C4BPB: variants seen among roughly 807,000 people sequenced by gnomAD.
C4BPB encodes the protein complement component 4 binding protein beta, also known as C4b-binding protein beta chain.
In C4BPB, 19 loss-of-function variants were observed where a neutral mutation model predicts 26.6. The observed-to-expected ratio is 0.71, with a 90% CI of 0.50 to 1.05. C4BPB has a LOEUF of 1.05. Ranked by LOEUF, C4BPB falls within the 50% of genes least tolerant of loss-of-function variation. C4BPB has a pLI of 0.00. For synonymous variants in C4BPB, 118 were observed against 103.5 expected (o/e 1.14, Z -0.85); for missense variants, 282 against 302.9 (o/e 0.93, Z 0.51).
intron 3 of C4BPB, among the ~76,000 whole-genome samples, chr1:207,091,251 A>G (rs1226459866): frequency 6.6e-6 from 1 of 152,222 alleles, no homozygotes; most frequent in African/African-American, 2.4e-5. Context: ...AAAAAGCACA[A>G]CAAAATAAAA....
chr1:207,090,094 A>AC (rs1398368254), intron 2 of C4BPB, among the ~76,000 whole-genome samples: 1 of 152,098 alleles, frequency 6.6e-6, no homozygotes, highest in Non-Finnish European at 1.5e-5. Context: ...AGACAGTGAA[A>AC]CCCCGTCTCT....
rs143177889 is a variant in C4BPB at position 207,095,477 on chromosome 1, C to T, written c.410-1045C>T. 1,193 of 452,632 alleles carry T rather than the reference C, an allele frequency of 2.6e-3. 5 individuals carry two copies. The highest frequency in any genetic ancestry group is 4.2e-3 in the Non-Finnish European group (955 of 225,272). The allele number at this position is 452,632 out of a possible 1,614,324, so 28.0% of individuals were successfully genotyped here. On this transcript the variant is annotated intron_variant, in intron 4 of 6. Coordinates refer to ENST00000367078, the MANE Select transcript of C4BPB (RefSeq NM_001017365.3). ...TCCCAAGTAGCTGGGATTACAGGTG[C>T]GCACCCACGCTGGGCTAATTTTTGT... is the stretch of plus-strand genomic sequence containing the variant.
chr1:207,089,507 C>G lies in C4BPB; in HGVS notation c.-25C>G. The G allele has an allele frequency of 6.2e-7, 1 of 1,612,898 alleles. No individual in the cohort carries two copies. The highest frequency in any genetic ancestry group is 8.5e-7 in the Non-Finnish European group (1 of 1,178,984). ...GTGTCTGAGCTGGGTGAATTCCAGC[C>G]TGGGGAGAGGACTTTGATCACCAGA... On this transcript the variant is annotated 5_prime_UTR_variant, in exon 2 of 7. Transcript: ENST00000367078.
chr1:207,091,786 C>G lies in C4BPB; in HGVS notation c.375C>G (p.His125Gln), dbSNP rs775461181. The change falls in exon 4 of 7, where the codon CAC becomes CAG. Residue 125 changes from histidine to glutamine, a missense_variant. His to Gln is a conservative substitution (Grantham distance 24). Transcript: ENST00000367078. ...ATCGGAGCCAGTGTCTAGAGGACCA[C>G]ACCTGGGCACCTCCCTTTCCCATCT... ...GSNRSQCLED[H>Q]TWAPPFPICK... The G allele has an allele frequency of 6.2e-7, 1 of 1,613,930 alleles. No individual in the cohort carries two copies. Among genetic ancestry groups the G allele is most frequent in the Non-Finnish European group, 8.5e-7 (1 of 1,179,890 alleles).
At position 207,096,616 on chromosome 1, in the gene C4BPB, G is replaced by C. The variant is rs370461340; in HGVS notation, c.503+1G>C. 1.3e-6 allele frequency: 2 copies of C among 1,541,554 alleles called. No individual in the cohort carries two copies. The highest frequency in any genetic ancestry group is 1.8e-6 in the Non-Finnish European group (2 of 1,121,574). On this transcript the variant is annotated splice_donor_variant, in intron 5 of 6. Transcript: ENST00000367078. LOFTEE classifies it high-confidence loss of function. ...CCATTAGTTATTACTGTGAAGACAG[G>C]TAAGTGAACACAGCCTGTCAAATGC...
intron 2 of C4BPB, among the ~76,000 whole-genome samples, chr1:207,089,791 G>T (rs1199559024): frequency 1.3e-5 from 2 of 152,186 alleles, no homozygotes; most frequent in East Asian, 3.8e-4. Context: ...TCTGAAGTGG[G>T]TGGTTACTGT....
chr1:207,098,089 C>A, intron 5 of C4BPB, 61 bp from the exon 6 acceptor site: 1 of 1,287,424 alleles, frequency 7.8e-7, no homozygotes. Flanking sequence ...TACACAAAAC[C>A]AGTCTCCATT....
At chr1:207,092,149 C>T (rs1204179110) in intron 4 of C4BPB, among the ~76,000 whole-genome samples, 1 of 152,112 alleles carries the variant, frequency 6.6e-6, no homozygotes, top group African/African-American at 2.4e-5. Context: ...AAAGTAAACA[C>T]AAAACGGGAA....
chr1:207,098,828 T>C (rs560265540), intron 6 of C4BPB, among the ~76,000 whole-genome samples: 61 of 148,764 alleles, frequency 4.1e-4, no homozygotes, highest in African/African-American at 1.4e-3. Context: ...TCTGGGAGTG[T>C]TGGGAAACAG....
intron 4 of C4BPB, 31 bp from the exon 5 acceptor site, chr1:207,096,491 T>C: frequency 7.2e-7 from 1 of 1,379,324 alleles, no homozygotes; most frequent in Non-Finnish European, 1.0e-6. Context: ...CTGGCCCTCA[T>C]AACTATGACT....
At chr1:207,096,143 C>T (rs552643899) in intron 4 of C4BPB, 1 of 246,016 alleles carries the variant, frequency 4.1e-6, no homozygotes, top group East Asian at 1.4e-4. Context: ...GCTTCATCTC[C>T]TCTCTCAGGG....
Position 207,090,428 on chromosome 1 carries a change from C to T in C4BPB, c.179C>T (p.Thr60Ile), listed in dbSNP as rs1426252135. The T allele has an allele frequency of 4.3e-6, 7 of 1,614,024 alleles. No individual in the cohort carries two copies. The highest frequency in any genetic ancestry group is 1.1e-5 in the South Asian group (1 of 91,076). ...IKGYHLVGKK[T>I]LFCNASKEWD... The stretch of plus-strand genomic sequence containing the variant: ...GGCTACCACCTGGTAGGAAAGAAGA[C>T]CCTTTTTTGCAATGCCTCTAAGGAG... Residue 60 changes from threonine to isoleucine, a missense_variant, in exon 3 of 7, where the codon ACC becomes ATC. Transcript: ENST00000367078.
intron 4 of C4BPB, chr1:207,095,652 T>C: frequency 2.9e-6 from 1 of 347,862 alleles, no homozygotes; most frequent in South Asian, 2.2e-5. Context: ...TGATACTCTC[T>C]TTGATATAGT....
chr1:207,093,883 G>T (rs1684140198), intron 4 of C4BPB, among the ~76,000 whole-genome samples: 1 of 152,082 alleles, frequency 6.6e-6, no homozygotes, highest in South Asian at 2.1e-4. Context: ...ATCCCCTAGA[G>T]ATCAGTAAGG....
intron 1 of C4BPB, chr1:207,089,172 C>T: frequency 8.2e-6 from 2 of 242,722 alleles, no homozygotes; most frequent in Non-Finnish European, 1.6e-5. Flanking sequence ...ATGGCAAGAC[C>T]ATTTGGCCCA....
chr1:207,090,455 G>T lies in C4BPB; in HGVS notation c.206G>T (p.Trp69Leu). ...CTTTTTTGCAATGCCTCTAAGGAGT[G>T]GGATAACACCACTACTGAGTGCCGC... ...KTLFCNASKEWDNTTTECRLG... is the reference protein window; with the variant it reads ...KTLFCNASKELDNTTTECRLG... Residue 69 changes from tryptophan (W) to leucine (L), a missense_variant, in exon 3 of 7, where the codon TGG becomes TTG. Trp to Leu is a moderately conservative substitution (Grantham distance 61, BLOSUM62 -2). Coordinates refer to ENST00000367078, the MANE Select transcript of C4BPB (RefSeq NM_001017365.3). The T allele has an allele frequency of 6.2e-7, 1 of 1,613,246 alleles. No individual in the cohort carries two copies.
intron 3 of C4BPB, 82 bp from the exon 4 acceptor site, chr1:207,091,562 A>T: frequency 8.9e-7 from 1 of 1,128,872 alleles, no homozygotes; most frequent in Admixed American, 2.2e-5. Context: ...CTGTTTTCTC[A>T]CTGAAGACTG....
rs763319892 is a variant in C4BPB, at chr1:207,091,869, T to C, written c.409+49T>C. 5 of 1,476,680 alleles carry C rather than the reference T, an allele frequency of 3.4e-6. No individual in the cohort carries two copies. In the South Asian group the frequency reaches 3.9e-5, roughly 11 times the overall value. 91.5% of individuals were successfully genotyped at this position (1,476,680 alleles called of 1,614,324 possible). ...GGATCCCCAAAATACTGATTAGTAG[T>C]CTAAACTTAGACATTTGCCACATCC... On this transcript the variant is annotated intron_variant, in intron 4 of 6. Transcript: ENST00000367078.
Position 207,091,935 on chromosome 1 carries a change from A to C in C4BPB, c.409+115A>C, listed in dbSNP as rs898406219. 7.0e-6 allele frequency: 6 copies of C among 851,764 alleles called. No homozygotes were observed. The Admixed American group carries it at 9.2e-5, about 13-fold the overall frequency. The allele number at this position is 851,764 out of a possible 1,614,324, so 52.8% of individuals were successfully genotyped here. On this transcript the variant is annotated intron_variant, in intron 4 of 6. Coordinates refer to ENST00000367078, the MANE Select transcript of C4BPB (RefSeq NM_001017365.3). ...CTTTTTTTGTATCAGAGACAGGCTT[A>C]AGATCTAGCAGACAGCCATGAAACA...
Sources: allele counts gnomAD v4.1 joint callset (sites outside exome capture counted in the v4.1 genomes callset), GRCh38; gene constraint gnomAD v4.1.1; transcripts MANE v1.5; gene names NCBI Gene and HGNC (gene_info 2026-07-23, HGNC 2026-07-21).